The following PPM1L variants were observed in gnomAD, a reference collection of about 807,000 sequenced individuals.
The protein encoded by PPM1L is protein phosphatase, Mg2+/Mn2+ dependent 1L.
Under a neutral mutation model 31.4 loss-of-function variants are expected in PPM1L, and 13 were observed. The ratio of observed to expected loss-of-function variants is 0.41; its 90% confidence interval spans 0.27 to 0.66. The LOEUF is 0.66. Ranked by LOEUF, PPM1L falls within the 30% of genes least tolerant of loss-of-function variation. The pLI, the probability that PPM1L is intolerant of heterozygous loss-of-function variation, is 0.29. For missense variants in PPM1L, 326 were observed against 453.7 expected (o/e 0.72, Z 2.56); for synonymous variants, 184 against 175.4 (o/e 1.05, Z -0.39).
chr3:160,815,132 A>C (rs2108087475), intron 1 of PPM1L, among the ~76,000 whole-genome samples: 1 of 152,188 alleles, frequency 6.6e-6, no homozygotes, highest in East Asian at 1.9e-4. Flanking sequence ...ATAATGAAAT[A>C]CCACCTGTTC....
rs144084312 is a variant in PPM1L, at chr3:160,812,701, T to C, written c.399+55994T>C. On this transcript the variant is annotated intron_variant, in intron 1 of 3. Transcript: ENST00000498165. ...AAAGACAGGGTGTTCTCCCTTTCCC[T>C]GGAAAGGTGGGATTGCTTGGCAAGT... is the stretch of plus-strand genomic sequence containing the variant. 3.0e-4 allele frequency among the ~76,000 whole-genome samples: 46 copies of C among 152,182 alleles called. No individual in the cohort carries two copies. The East Asian group carries it at 7.9e-3, about 26-fold the overall frequency.
chr3:160,970,823 G>A (rs1221382493), intron 2 of PPM1L, among the ~76,000 whole-genome samples: 3 of 106,438 alleles, frequency 2.8e-5, no homozygotes, highest in African/African-American at 4.2e-5. Context: ...ACGGAGTCTC[G>A]CTGTCGCCCA....
chr3:160,840,977 G>A (rs1713861595), intron 1 of PPM1L, among the ~76,000 whole-genome samples: 1 of 152,150 alleles, frequency 6.6e-6, no homozygotes, highest in South Asian at 2.1e-4. Flanking sequence ...ACAGACATGT[G>A]CAGAAATAAT....
intron 2 of PPM1L, among the ~76,000 whole-genome samples, chr3:160,997,175 A>G (rs545632214): frequency 1.3e-4 from 20 of 152,108 alleles, no homozygotes; most frequent in Non-Finnish European, 2.6e-4. Flanking sequence ...TAGATGGTCT[A>G]TGTGGACTGT....
chr3:160,930,904 C>T (rs1316380860), intron 1 of PPM1L, among the ~76,000 whole-genome samples: 1 of 152,032 alleles, frequency 6.6e-6, no homozygotes, highest in Non-Finnish European at 1.5e-5. Context: ...CAAGATTACC[C>T]CTTGAATTTC....
At chr3:160,809,739 G>A (rs78192733) in intron 1 of PPM1L, among the ~76,000 whole-genome samples, 19 of 152,142 alleles carry the variant, frequency 1.2e-4, no homozygotes, top group African/African-American at 4.6e-4. Flanking sequence ...TTAGAGCCCT[G>A]CTGCTTACCA....
intron 1 of PPM1L, among the ~76,000 whole-genome samples, chr3:160,818,846 T>C (rs1363507065): frequency 6.6e-6 from 1 of 151,990 alleles, no homozygotes; most frequent in African/African-American, 2.4e-5. Flanking sequence ...TTCTTTTTGA[T>C]ATGTTTTGGG....
intron 1 of PPM1L, among the ~76,000 whole-genome samples, chr3:160,924,259 C>T (rs1714513254): frequency 6.6e-6 from 1 of 152,166 alleles, no homozygotes; most frequent in Admixed American, 6.5e-5. Flanking sequence ...CCAGCTATAC[C>T]AGCTTGAAGC....
chr3:160,811,061 A>G (rs1712790002), intron 1 of PPM1L, among the ~76,000 whole-genome samples: 1 of 152,258 alleles, frequency 6.6e-6, no homozygotes, highest in Non-Finnish European at 1.5e-5. Context: ...TTCTAATTAC[A>G]CTGAAGAAAG....
At chr3:161,064,262 G>A (rs1719660033) in intron 2 of PPM1L, among the ~76,000 whole-genome samples, 1 of 151,124 alleles carries the variant, frequency 6.6e-6, no homozygotes, top group South Asian at 2.1e-4. Context: ...AGCTACTCCA[G>A]AGGCTGAGGT....
intron 1 of PPM1L, among the ~76,000 whole-genome samples, chr3:160,793,106 T>A (rs1712149961): frequency 6.6e-6 from 1 of 152,168 alleles, no homozygotes; most frequent in Admixed American, 6.5e-5. Flanking sequence ...AGGTAGTGTT[T>A]GTCAGGTTTC....
chr3:160,839,354 C>T (rs1448322259), intron 1 of PPM1L, among the ~76,000 whole-genome samples: 5 of 152,166 alleles, frequency 3.3e-5, no homozygotes, highest in Non-Finnish European at 7.3e-5. Context: ...GAAAAACCAG[C>T]AATTTCCCAT....
Position 160,973,168 on chromosome 3 carries a change from C to T in PPM1L, c.574+11258C>T, listed in dbSNP as rs547100433. 3.0e-4 allele frequency among the ~76,000 whole-genome samples: 45 copies of T among 152,300 alleles called. No individual in the cohort carries two copies. The East Asian group carries it at 8.7e-3, about 29-fold the overall frequency. ...GAAAACCAGAAACCACAAAGGAACA[C>T]TGATATTTAGAATCAGGAAGTGCCA... is the stretch of plus-strand genomic sequence containing the variant. On this transcript the variant is annotated intron_variant, in intron 2 of 3. Coordinates refer to ENST00000498165, the MANE Select transcript of PPM1L (RefSeq NM_139245.4).
At chr3:160,855,348 T>C (rs1254090882) in intron 1 of PPM1L, among the ~76,000 whole-genome samples, 5 of 152,082 alleles carry the variant, frequency 3.3e-5, no homozygotes, top group Non-Finnish European at 7.4e-5. Context: ...CCAAAAGTAA[T>C]TGCAACAAAA....
intron 1 of PPM1L, among the ~76,000 whole-genome samples, chr3:160,874,190 C>T (rs183087686): frequency 6.7e-6 from 1 of 149,294 alleles, no homozygotes; most frequent in African/African-American, 2.6e-5. Flanking sequence ...ATCACTATTA[C>T]TCACCCAGAA....
At chr3:160,954,727 T>G (rs1314999341) in intron 1 of PPM1L, among the ~76,000 whole-genome samples, 1 of 152,186 alleles carries the variant, frequency 6.6e-6, no homozygotes, top group Non-Finnish European at 1.5e-5. Context: ...AACACAATTT[T>G]TAATTGCTTA....
At chr3:161,031,282 TG>T (rs1030520081) in intron 2 of PPM1L, among the ~76,000 whole-genome samples, 23 of 152,182 alleles carry the variant, frequency 1.5e-4, no homozygotes, top group African/African-American at 5.5e-4. Flanking sequence ...TAGATTCCAG[TG>T]ACCTGGAAAG....
At chr3:161,010,928 A>C (rs1717872591) in intron 2 of PPM1L, among the ~76,000 whole-genome samples, 1 of 152,206 alleles carries the variant, frequency 6.6e-6, no homozygotes, top group African/African-American at 2.4e-5. Flanking sequence ...CCTTTGACAC[A>C]TGAGTAGATT....
chr3:161,029,187 G>A (rs1300634124), intron 2 of PPM1L, among the ~76,000 whole-genome samples: 2 of 152,160 alleles, frequency 1.3e-5, no homozygotes, highest in South Asian at 2.1e-4. Flanking sequence ...CATTTATTGA[G>A]TGCTTCTGGT....
Sources: allele counts gnomAD v4.1 joint callset (sites outside exome capture counted in the v4.1 genomes callset), GRCh38; gene constraint gnomAD v4.1.1; transcripts MANE v1.5; gene names NCBI Gene and HGNC (gene_info 2026-07-23, HGNC 2026-07-21).